Variants in TMEM232 observed in about 807,000 individuals in gnomAD.
TMEM232 encodes the protein transmembrane protein 232.
In TMEM232, 80 loss-of-function variants were observed where a neutral mutation model predicts 78.8. That is an observed-to-expected ratio of 1.01 (90% confidence interval 0.85 to 1.22). The LOEUF is 1.22. TMEM232 is among the 50% of genes most tolerant of loss of function. TMEM232 has a pLI of 0.00. For synonymous variants in TMEM232, 297 were observed against 254.3 expected (o/e 1.17, Z -1.60); for missense variants, 881 against 742.2 (o/e 1.19, Z -2.17).
At chr5:110,654,776 A>G (rs1216807532) in intron 2 of TMEM232, among the ~76,000 whole-genome samples, 1 of 152,174 alleles carries the variant, frequency 6.6e-6, no homozygotes, top group Non-Finnish European at 1.5e-5. Context: ...CTTCCTACCC[A>G]TGAGCATGGA....
At chr5:110,699,093 CA>C (rs1010343159) in intron 1 of TMEM232, among the ~76,000 whole-genome samples, 8 of 151,888 alleles carry the variant, frequency 5.3e-5, no homozygotes, top group African/African-American at 1.9e-4. Flanking sequence ...AACAAACAAA[CA>C]AAAAAAGCAG....
chr5:110,659,127 C>G (rs543760412), intron 2 of TMEM232, among the ~76,000 whole-genome samples: 2 of 152,068 alleles, frequency 1.3e-5, no homozygotes, highest in Non-Finnish European at 2.9e-5. Flanking sequence ...AGTAGAGATA[C>G]AGGTGTTAGG....
At chr5:110,569,138 T>C (rs558071177) in intron 10 of TMEM232, among the ~76,000 whole-genome samples, 16 of 151,990 alleles carry the variant, frequency 1.1e-4, no homozygotes, top group African/African-American at 3.9e-4. Flanking sequence ...GAAAAATTCA[T>C]TTCAATAATA....
chr5:110,638,355 T>G lies in TMEM232; in HGVS notation c.344A>C (p.Glu115Ala). ...LAQCKGEIQDESLNMLYASLD... is the reference protein window; with the variant it reads ...LAQCKGEIQDASLNMLYASLD... ...AGATGCATAAAGCATATTTAAAGAT[T>G]CTGAAATATTAAAAATATAGAAACT... The change falls in exon 5 of 14, where the codon GAA becomes GCA. Residue 115 changes from glutamate to alanine, a missense_variant and splice_region_variant. By Grantham distance (107) the Glu-to-Ala change is moderately radical (BLOSUM62 -1). Coordinates refer to ENST00000455884, the MANE Select transcript of TMEM232 (RefSeq NM_001039763.4). The G allele has an allele frequency of 6.5e-7, 1 of 1,526,942 alleles. No individual in the cohort carries two copies. The highest frequency in any genetic ancestry group is 8.8e-7 in the Non-Finnish European group (1 of 1,138,714). 94.6% of individuals were successfully genotyped at this position (1,526,942 alleles called of 1,614,324 possible). A position where few individuals can be genotyped will look rare whatever the true frequency, so the allele number is the denominator to read the frequency against.
chr5:110,562,690 T>C (rs1775890890), intron 11 of TMEM232, among the ~76,000 whole-genome samples: 1 of 152,126 alleles, frequency 6.6e-6, no homozygotes, highest in Non-Finnish European at 1.5e-5. Context: ...TTTACACTTC[T>C]TTGCATCTTG....
intron 12 of TMEM232, among the ~76,000 whole-genome samples, chr5:110,475,265 G>C (rs1763121155): frequency 6.6e-6 from 1 of 151,756 alleles, no homozygotes; most frequent in Non-Finnish European, 1.5e-5. Flanking sequence ...TTCTGAAAAG[G>C]AAAGGCTATA....
At chr5:110,685,796 G>A (rs149131639) in intron 1 of TMEM232, among the ~76,000 whole-genome samples, 1,780 of 152,174 alleles carry the variant, frequency 0.012, 44 homozygotes, top group African/African-American at 0.04. Context: ...TTATATAATA[G>A]GATTATTCTC....
At chr5:110,583,159 C>T (rs1394840654) in intron 10 of TMEM232, among the ~76,000 whole-genome samples, 1 of 151,872 alleles carries the variant, frequency 6.6e-6, no homozygotes, top group Non-Finnish European at 1.5e-5. Context: ...GAAACTCAAA[C>T]ATTTCAATGG....
At chr5:110,499,651 A>G (rs1274545264) in intron 12 of TMEM232, among the ~76,000 whole-genome samples, 1 of 149,094 alleles carries the variant, frequency 6.7e-6, no homozygotes, top group Non-Finnish European at 1.5e-5. Flanking sequence ...ACACACATAT[A>G]TATATATATA....
intron 2 of TMEM232, among the ~76,000 whole-genome samples, chr5:110,410,884 G>C (rs1210961140): frequency 2.6e-5 from 4 of 152,130 alleles, no homozygotes; most frequent in Non-Finnish European, 4.4e-5. Flanking sequence ...CCTATGTTCT[G>C]TCTTTATGAT....
intron 12 of TMEM232, among the ~76,000 whole-genome samples, chr5:110,442,623 G>T (rs1301862387): frequency 6.6e-6 from 1 of 151,930 alleles, no homozygotes; most frequent in African/African-American, 2.4e-5. Flanking sequence ...ATTTGTCCTT[G>T]GTAACTTATT....
intron 10 of TMEM232, among the ~76,000 whole-genome samples, chr5:110,580,082 G>C (rs1467592306): frequency 6.6e-6 from 1 of 151,606 alleles, no homozygotes; most frequent in Admixed American, 6.6e-5. Flanking sequence ...AAAATATTAT[G>C]TAATATAAAA....
At chr5:110,688,756 A>T (rs1793733663) in intron 1 of TMEM232, among the ~76,000 whole-genome samples, 2 of 152,180 alleles carry the variant, frequency 1.3e-5, no homozygotes, top group South Asian at 4.1e-4. Flanking sequence ...CAACCTGGGA[A>T]CTGGGTCACA....
At chr5:110,523,936 G>C (rs1205559139) in intron 12 of TMEM232, among the ~76,000 whole-genome samples, 1 of 119,092 alleles carries the variant, frequency 8.4e-6, no homozygotes, top group Non-Finnish European at 1.6e-5. Flanking sequence ...TCTAGCCTGG[G>C]TGACAAAGAC....
intron 12 of TMEM232, among the ~76,000 whole-genome samples, chr5:110,505,507 T>G (rs1766774565): frequency 6.6e-6 from 1 of 152,072 alleles, no homozygotes; most frequent in South Asian, 2.1e-4. Flanking sequence ...TTTTCTTTTC[T>G]TTTCCTTTTT....
intron 11 of TMEM232, among the ~76,000 whole-genome samples, chr5:110,552,769 A>G (rs1774621946): frequency 6.6e-6 from 1 of 152,012 alleles, no homozygotes; most frequent in African/African-American, 2.4e-5. Flanking sequence ...TTATCATTAA[A>G]CATAATTAAG....
intron 12 of TMEM232, among the ~76,000 whole-genome samples, chr5:110,487,580 G>T (rs1173794022): frequency 6.6e-6 from 1 of 151,956 alleles, no homozygotes; most frequent in Non-Finnish European, 1.5e-5. Flanking sequence ...TGTGATTTTT[G>T]TGTTTAATTC....
intron 2 of TMEM232, among the ~76,000 whole-genome samples, chr5:110,413,158 A>C (rs1168708767): frequency 1.3e-5 from 2 of 152,136 alleles, no homozygotes; most frequent in Non-Finnish European, 2.9e-5. Flanking sequence ...TAATCTAATC[A>C]GCTGCCAGTG....
chr5:110,721,667 G>GTATACATATATATATATATATATA (rs1277641654), intron 1 of TMEM232, among the ~76,000 whole-genome samples: 1 of 10,424 alleles, frequency 9.6e-5, no homozygotes, highest in African/African-American at 1.6e-4. Context: ...GTGTGTGTGT[G>GTATACATATATATATATATATATA]TGTGTGTATA....
Sources: gnomAD v4.1 joint callset for allele counts (sites outside exome capture counted in the v4.1 genomes callset) on GRCh38, gnomAD v4.1.1 for gene constraint, MANE v1.5 for transcripts, NCBI Gene and HGNC (gene_info 2026-07-23, HGNC 2026-07-21) for gene names.